TBCK: variants seen among roughly 807,000 people sequenced by gnomAD.
The protein encoded by TBCK is TBC1 domain containing kinase.
Under a neutral mutation model 113.4 loss-of-function variants are expected in TBCK, and 99 were observed. That is an observed-to-expected ratio of 0.87 (90% CI 0.74 to 1.03). The LOEUF (loss-of-function observed/expected upper bound fraction) is 1.03, where lower values mean the gene tolerates loss of function less well. Ranked by LOEUF, TBCK falls within the 50% of genes least tolerant of loss-of-function variation. The pLI is 0.00. For missense variants in TBCK, 1,045 were observed against 1,061.3 expected, an observed-to-expected ratio of 0.98 and a Z score of 0.21; for synonymous variants, 369 against 370.8, an observed-to-expected ratio of 1.00 and a Z score of 0.05.
At chr4:106,191,289 T>A (rs1463276815) in intron 22 of TBCK, among the ~76,000 whole-genome samples, 2 of 152,040 alleles carry the variant, frequency 1.3e-5, no homozygotes, top group African/African-American at 4.8e-5. Context: ...CTGAAACCAA[T>A]CCCCCATCGA....
At chr4:106,129,657 A>T (rs1255312249) in intron 23 of TBCK, among the ~76,000 whole-genome samples, 1 of 152,234 alleles carries the variant, frequency 6.6e-6, no homozygotes. Flanking sequence ...ACAAAAGAAG[A>T]AACACAAATA....
intron 1 of TBCK, among the ~76,000 whole-genome samples, chr4:106,311,607 A>AG (rs1768205204): frequency 6.6e-6 from 1 of 152,138 alleles, no homozygotes; most frequent in Non-Finnish European, 1.5e-5. Flanking sequence ...AAGTGGGGTA[A>AG]GGTTAGGGAA....
At chr4:106,057,003 C>T (rs1735510171) in intron 25 of TBCK, among the ~76,000 whole-genome samples, 1 of 151,792 alleles carries the variant, frequency 6.6e-6, no homozygotes, top group Admixed American at 6.6e-5. Flanking sequence ...GAAGAGAAGA[C>T]TGTCCTTTAG....
chr4:106,073,920 C>A (rs1033463683), intron 25 of TBCK, among the ~76,000 whole-genome samples: 1 of 152,202 alleles, frequency 6.6e-6, no homozygotes, highest in Non-Finnish European at 1.5e-5. Flanking sequence ...ACCCACTGAG[C>A]CAGGCACAGG....
At chr4:106,049,101 T>G (rs1350762034) in intron 25 of TBCK, among the ~76,000 whole-genome samples, 1 of 152,132 alleles carries the variant, frequency 6.6e-6, no homozygotes, top group East Asian at 1.9e-4. Flanking sequence ...TACTGGCCCC[T>G]GGCAGTGAAA....
At chr4:106,314,868 A>C (rs185461620) in intron 1 of TBCK, among the ~76,000 whole-genome samples, 2 of 151,102 alleles carry the variant, frequency 1.3e-5, no homozygotes, top group Non-Finnish European at 3.0e-5. Context: ...CAGGTGATCC[A>C]CCCGCCTCGA....
intron 5 of TBCK, among the ~76,000 whole-genome samples, chr4:106,259,262 TA>T (rs902019501): frequency 3.1e-4 from 47 of 149,434 alleles, no homozygotes; most frequent in South Asian, 6.3e-4. Flanking sequence ...AGGCTGGCTT[TA>T]AAAAAAAAAT....
chr4:106,062,852 A>G (rs1378932592), intron 25 of TBCK, among the ~76,000 whole-genome samples: 1 of 151,878 alleles, frequency 6.6e-6, no homozygotes. Context: ...CTTTTTAAAA[A>G]CTGCTTATAT....
chr4:106,090,248 C>T (rs892376678), intron 25 of TBCK, among the ~76,000 whole-genome samples: 3 of 152,230 alleles, frequency 2.0e-5, no homozygotes, highest in African/African-American at 7.2e-5. Flanking sequence ...TCTAGGGTGG[C>T]AGCCTGAGCT....
At chr4:106,183,157 T>C (rs1752602387) in intron 22 of TBCK, among the ~76,000 whole-genome samples, 1 of 152,084 alleles carries the variant, frequency 6.6e-6, no homozygotes, top group African/African-American at 2.4e-5. Flanking sequence ...CTGCTCTCTT[T>C]CTACTGCTTA....
chr4:106,306,146 T>G (rs1305254422), intron 2 of TBCK, among the ~76,000 whole-genome samples: 2 of 151,790 alleles, frequency 1.3e-5, no homozygotes, highest in East Asian at 3.9e-4. Context: ...CATAACTCAC[T>G]GCAGCCCCAA....
In TBCK at chr4:106,236,773, T is replaced by C. The variant is rs1382072578; in HGVS notation, c.1206A>G (p.Pro402=). The part of the protein sequence containing the change: ...LKDVGGEAFY[P]LLEDDQSNLP... ...CATATACTCACTCATCTTCAAGTAA[T>C]GGGTAAAATGCTTCTCCACCAACAT... Residue 402 remains proline, a synonymous_variant, in exon 13 of 26, where the codon CCA becomes CCG. Coordinates refer to ENST00000394708, the MANE Select transcript of TBCK (RefSeq NM_001163435.3). 6 of 1,513,362 alleles carry C rather than the reference T, an allele frequency of 4.0e-6. No homozygotes were observed. In the African/African-American group the frequency reaches 7.1e-5, roughly 18 times the overall value. The allele number at this position is 1,513,362 out of a possible 1,614,324, so 93.7% of individuals were successfully genotyped here. A position where few individuals can be genotyped will look rare whatever the true frequency, so the allele number is the denominator to read the frequency against.
At chr4:106,155,460 TA>T (rs1749014866) in intron 23 of TBCK, among the ~76,000 whole-genome samples, 1 of 152,170 alleles carries the variant, frequency 6.6e-6, no homozygotes, top group African/African-American at 2.4e-5. Context: ...TTCAAAGGGG[TA>T]ATAACTTTCT....
At chr4:106,234,161 A>G (rs1438043676) in intron 15 of TBCK, among the ~76,000 whole-genome samples, 1 of 152,144 alleles carries the variant, frequency 6.6e-6, no homozygotes, top group Non-Finnish European at 1.5e-5. Context: ...TGGTAGAGAA[A>G]GAGCCAGGAA....
chr4:106,316,614 G>T (rs779960633), upstream of TBCK: 60 of 1,550,698 alleles, frequency 3.9e-5, 1 homozygote, highest in South Asian at 7.1e-4. Flanking sequence ...GTCGTGGCGG[G>T]TCACTCACTC....
intron 25 of TBCK, among the ~76,000 whole-genome samples, chr4:106,047,684 T>A (rs1190499190): frequency 6.6e-6 from 1 of 152,216 alleles, no homozygotes; most frequent in Non-Finnish European, 1.5e-5. Context: ...TCCTTCTATT[T>A]TGTTTTCTTC....
intron 5 of TBCK, among the ~76,000 whole-genome samples, chr4:106,259,200 G>A (rs1309844172): frequency 6.6e-6 from 1 of 151,606 alleles, no homozygotes; most frequent in African/African-American, 2.4e-5. Flanking sequence ...AAAAAATTTA[G>A]TTAAGAAACC....
At chr4:106,077,259 C>T (rs1210718986) in intron 25 of TBCK, among the ~76,000 whole-genome samples, 1 of 152,142 alleles carries the variant, frequency 6.6e-6, no homozygotes, top group Non-Finnish European at 1.5e-5. Flanking sequence ...TGCAACTATA[C>T]AATTAAGTCT....
At chr4:106,202,875 TGA>T (rs899434378) in intron 20 of TBCK, among the ~76,000 whole-genome samples, 3 of 152,092 alleles carry the variant, frequency 2.0e-5, no homozygotes, top group African/African-American at 7.2e-5. Context: ...AAAGGATATA[TGA>T]GAGTAATATT....
Sources: allele counts gnomAD v4.1 joint callset (sites outside exome capture counted in the v4.1 genomes callset), GRCh38; gene constraint gnomAD v4.1.1; transcripts MANE v1.5; gene names NCBI Gene and HGNC (gene_info 2026-07-23, HGNC 2026-07-21).